DNAH7: variants seen among roughly 807,000 people sequenced by gnomAD.
The protein encoded by DNAH7 is dynein axonemal heavy chain 7.
A neutral mutation model predicts 444.6 loss-of-function variants in DNAH7; 397 were observed. The ratio of observed to expected loss-of-function variants is 0.89; its 90% confidence interval spans 0.82 to 0.97. The LOEUF (loss-of-function observed/expected upper bound fraction) is 0.97, where lower values mean the gene tolerates loss of function less well. DNAH7 is among the 50% of genes least tolerant of loss of function. DNAH7 has a pLI of 0.00. For missense variants in DNAH7, 4,902 were observed against 4,800.8 expected (o/e 1.02, Z -0.62); for synonymous variants, 1,636 against 1,624.4 (o/e 1.01, Z -0.17).
chr2:196,011,914 C>T (rs1198927807), intron 10 of DNAH7, among the ~76,000 whole-genome samples: 1 of 152,112 alleles, frequency 6.6e-6, no homozygotes, highest in Non-Finnish European at 1.5e-5. Context: ...TCACTTTCTT[C>T]TCTGTAATTA....
intron 2 of DNAH7, 44 bp from the exon 3 acceptor site, chr2:196,051,293 G>T (rs1674729620): frequency 8.5e-6 from 13 of 1,535,220 alleles, no homozygotes; most frequent in Middle Eastern, 1.8e-4. Flanking sequence ...TACTCTGTTA[G>T]TGCTAAAATT....
At chr2:195,887,461 A>G (rs548065607) in intron 33 of DNAH7, among the ~76,000 whole-genome samples, 1 of 152,188 alleles carries the variant, frequency 6.6e-6, no homozygotes, top group African/African-American at 2.4e-5. Flanking sequence ...TAAGTCACTC[A>G]TGTACCTGTG....
At chr2:195,813,330 G>A (rs776415563) in intron 51 of DNAH7, among the ~76,000 whole-genome samples, 1 of 151,934 alleles carries the variant, frequency 6.6e-6, no homozygotes, top group African/African-American at 2.4e-5. Flanking sequence ...AAAATTATAG[G>A]TACTTCCTCC....
At chr2:195,765,090 AC>A (rs1363571352) in intron 61 of DNAH7, among the ~76,000 whole-genome samples, 1 of 152,214 alleles carries the variant, frequency 6.6e-6, no homozygotes, top group Non-Finnish European at 1.5e-5. Flanking sequence ...CCATACATCT[AC>A]AGTGAACTCA....
chr2:196,038,869 T>A (rs553190943), intron 5 of DNAH7, among the ~76,000 whole-genome samples: 1 of 152,160 alleles, frequency 6.6e-6, no homozygotes, highest in East Asian at 1.9e-4. Context: ...TACTGGAGCA[T>A]TCAGATATAT....
chr2:195,995,346 T>C, intron 12 of DNAH7: 2 of 519,164 alleles, frequency 3.9e-6, no homozygotes, highest in South Asian at 2.9e-5. Context: ...ATGGAGAGAC[T>C]GGCTCAGGAG....
intron 63 of DNAH7, among the ~76,000 whole-genome samples, chr2:195,750,166 T>G (rs1693712468): frequency 6.6e-6 from 1 of 152,168 alleles, no homozygotes; most frequent in African/African-American, 2.4e-5. Context: ...CTCCACTGTT[T>G]TCAAGATGAT....
At chr2:196,046,772 G>A (rs1697155575) in intron 5 of DNAH7, among the ~76,000 whole-genome samples, 1 of 151,440 alleles carries the variant, frequency 6.6e-6, no homozygotes, top group Non-Finnish European at 1.5e-5. Flanking sequence ...TACCACAATG[G>A]GTCATGAAAC....
At chr2:195,748,858 C>T (rs1474272283) in intron 63 of DNAH7, among the ~76,000 whole-genome samples, 3 of 152,098 alleles carry the variant, frequency 2.0e-5, no homozygotes, top group South Asian at 2.1e-4. Flanking sequence ...AAGACTTAAA[C>T]GTTAGACCTA....
intron 40 of DNAH7, among the ~76,000 whole-genome samples, chr2:195,870,638 A>G (rs1700623012): frequency 6.6e-6 from 1 of 152,202 alleles, no homozygotes; most frequent in South Asian, 2.1e-4. Flanking sequence ...TAATTAGGTC[A>G]TGGGAGCAGA....
chr2:195,944,759 CT>C lies in DNAH7; in HGVS notation c.3079-7968del, dbSNP rs750910652. 1.3e-4 allele frequency among the ~76,000 whole-genome samples: 20 copies of C among 152,080 alleles called. 1 individual carries two copies. The highest frequency in any genetic ancestry group is 1.2e-4 in the Non-Finnish European group (8 of 68,012). ...TTGTAGCTATGAGAAATAAAAGGCT[CT>C]TTTAGCAAATCACAGAAGTTTCTTA... On this transcript the variant is annotated intron_variant, in intron 19 of 64. Transcript: ENST00000312428.
intron 22 of DNAH7, 126 bp downstream of exon 22, chr2:195,926,300 T>C (rs1471999917): frequency 6.0e-6 from 5 of 838,216 alleles, no homozygotes; most frequent in African/African-American, 3.5e-5. Flanking sequence ...ATCTGTAATT[T>C]GGCTTGCAGC....
chr2:195,824,156 C>T (rs566463953), intron 49 of DNAH7, 99 bp downstream of exon 49: 26 of 1,153,588 alleles, frequency 2.3e-5, no homozygotes, highest in African/African-American at 2.2e-4. Flanking sequence ...AGGCAAAATC[C>T]GTTTTTCTTA....
intron 33 of DNAH7, 89 bp downstream of exon 33, chr2:195,888,169 G>A: frequency 9.2e-7 from 1 of 1,087,658 alleles, no homozygotes. Flanking sequence ...TCTCTTAGCT[G>A]ATAATAAAAA....
Position 195,906,987 on chromosome 2 carries a change from C to A in DNAH7, c.4127G>T (p.Trp1376Leu), listed in dbSNP as rs1559210016. 6.2e-6 allele frequency: 10 copies of A among 1,612,696 alleles called. No individual in the cohort carries two copies. Among genetic ancestry groups the A allele is most frequent in the Non-Finnish European group, 8.5e-6 (10 of 1,179,348 alleles). ...TCTGTTAAACTCATCAAAGCAAGCC[C>A]AGGCTCCACAAGATAACAGTCCCTA... ...FFKGLLSCGA[W>L]ACFDEFNRID... The change falls in exon 26 of 65, where the codon TGG becomes TTG. Residue 1376 changes from tryptophan (W) to leucine (L), a missense_variant. By Grantham distance (61) the Trp-to-Leu change is moderately conservative. Transcript: ENST00000312428.
In DNAH7 at chr2:195,960,314, TTAA is replaced by T; in HGVS notation, c.2834_2836del (p.Ile945del). 2 of 1,613,844 alleles carry T rather than the reference TTAA, an allele frequency of 1.2e-6. No individual in the cohort carries two copies. Among genetic ancestry groups the T allele is most frequent in the Non-Finnish European group, 1.7e-6 (2 of 1,180,002 alleles). On this transcript the variant is annotated inframe_deletion, in exon 18 of 65. Coordinates refer to ENST00000312428, the MANE Select transcript of DNAH7 (RefSeq NM_018897.3). ...AGGAGATCCTCGCATAGTTTGTGTT[TTAA>T]TAATATGGTCATCCAACAACATCTG...
intron 47 of DNAH7, 51 bp from the exon 48 acceptor site, chr2:195,834,411 A>G: frequency 6.5e-7 from 1 of 1,547,092 alleles, no homozygotes; most frequent in Non-Finnish European, 8.8e-7. Flanking sequence ...TTGTTTCTAC[A>G]CTACTTAATC....
intron 57 of DNAH7, among the ~76,000 whole-genome samples, chr2:195,793,185 C>T (rs1049741568): frequency 6.6e-6 from 1 of 152,158 alleles, no homozygotes; most frequent in Non-Finnish European, 1.5e-5. Flanking sequence ...AATCCTCTTG[C>T]CTCAGCCTCC....
chr2:195,954,477 AC>A (rs1690497496), intron 19 of DNAH7, among the ~76,000 whole-genome samples: 1 of 152,190 alleles, frequency 6.6e-6, no homozygotes, highest in Non-Finnish European at 1.5e-5. Flanking sequence ...GAATAGTGCC[AC>A]AATAAACATA....
Sources: gnomAD v4.1 joint callset for allele counts (sites outside exome capture counted in the v4.1 genomes callset) on GRCh38, gnomAD v4.1.1 for gene constraint, MANE v1.5 for transcripts, NCBI Gene and HGNC (gene_info 2026-07-23, HGNC 2026-07-21) for gene names.